The following DCC variants were observed in gnomAD, a reference collection of about 807,000 sequenced individuals.
DCC encodes DCC netrin 1 receptor.
In DCC, 58 loss-of-function variants were observed where a neutral mutation model predicts 172.5. That is an observed-to-expected ratio of 0.34 (90% CI 0.27 to 0.42). DCC has a LOEUF of 0.42. Among genes scored for constraint, DCC ranks in the 10% least tolerant of loss-of-function variants. DCC has a pLI of 1.00. For missense variants in DCC, 1,740 were observed against 1,791.0 expected (o/e 0.97, Z 0.51); for synonymous variants, 709 against 644.5 (o/e 1.10, Z -1.52).
At chr18:53,317,186 C>T (rs1308621728) in intron 13 of DCC, among the ~76,000 whole-genome samples, 1 of 152,146 alleles carries the variant, frequency 6.6e-6, no homozygotes, top group East Asian at 1.9e-4. Context: ...GCCTTTTCTG[C>T]ATCTATGGAG....
At chr18:52,429,105 C>T (rs1039830087) in intron 1 of DCC, among the ~76,000 whole-genome samples, 1 of 152,048 alleles carries the variant, frequency 6.6e-6, no homozygotes, top group African/African-American at 2.4e-5. Context: ...ACAAAAGTGA[C>T]TAATTTTTAC....
chr18:52,389,214 A>G (rs1985935946), intron 1 of DCC, among the ~76,000 whole-genome samples: 1 of 152,108 alleles, frequency 6.6e-6, no homozygotes, highest in Non-Finnish European at 1.5e-5. Flanking sequence ...TGTATTTGGC[A>G]ATGTATGCAG....
chr18:52,419,614 A>C (rs1987176488), intron 1 of DCC: 1 of 152,138 alleles, frequency 6.6e-6, no homozygotes, highest in African/African-American at 2.4e-5. Flanking sequence ...TGAGATAAGA[A>C]GATCATTCCT....
intron 7 of DCC, among the ~76,000 whole-genome samples, chr18:53,132,500 A>C (rs1337455464): frequency 6.6e-6 from 1 of 152,096 alleles, no homozygotes; most frequent in African/African-American, 2.4e-5. Flanking sequence ...TCTTCCAACC[A>C]TTGTTCTTTT....
intron 12 of DCC, among the ~76,000 whole-genome samples, chr18:53,262,801 G>T (rs1425417017): frequency 2.0e-5 from 3 of 152,130 alleles, no homozygotes; most frequent in Non-Finnish European, 4.4e-5. Context: ...TCTTCAAAAG[G>T]CCAATAAATT....
At chr18:53,200,988 G>C (rs1388900439) in intron 9 of DCC, among the ~76,000 whole-genome samples, 1 of 152,088 alleles carries the variant, frequency 6.6e-6, no homozygotes, top group Non-Finnish European at 1.5e-5. Context: ...CTATGCATGT[G>C]GTGGATCAGA....
At chr18:52,515,621 A>AAAAAAAAAAAAAAAAAAAAAAAAAAAAC (rs1392135032) in intron 1 of DCC, among the ~76,000 whole-genome samples, 1 of 141,432 alleles carries the variant, frequency 7.1e-6, no homozygotes, top group African/African-American at 2.6e-5. Flanking sequence ...AAAAAAAAAA[A>AAAAAAAAAAAAAAAAAAAAAAAAAAAAC]AAAAATCATA....
In DCC at chr18:53,459,373, T is replaced by C. The variant is rs753776389; in HGVS notation, c.3534T>C (p.Ser1178=). The C allele has an allele frequency of 8.7e-6, 14 of 1,613,936 alleles. No homozygotes were observed. The highest frequency in any genetic ancestry group is 1.1e-5 in the Non-Finnish European group (13 of 1,179,982). The change falls in exon 24 of 29, where the codon TCT becomes TCC. Residue 1178 remains serine, a synonymous_variant. Transcript: ENST00000442544. ...PSGTDPAGRD[S]PIQSCQDLTP... ...GCACTGACCCTGCAGGAAGGGACTC[T>C]CCCATCCAAAGTTGCCAAGACCTCA...
At chr18:53,218,024 G>GT (rs2055879926) in intron 12 of DCC, among the ~76,000 whole-genome samples, 1 of 151,788 alleles carries the variant, frequency 6.6e-6, no homozygotes, top group Non-Finnish European at 1.5e-5. Context: ...TTATTTTTGT[G>GT]TTTTTTGAAA....
At chr18:52,735,438 G>A (rs538681672) in intron 1 of DCC, among the ~76,000 whole-genome samples, 3 of 152,226 alleles carry the variant, frequency 2.0e-5, no homozygotes, top group East Asian at 3.9e-4. Context: ...TATATGAAGG[G>A]GAATTTACAA....
intron 8 of DCC, 45 bp from the exon 9 acceptor site, chr18:53,178,917 G>A (rs770029192): frequency 2.5e-6 from 4 of 1,610,918 alleles, no homozygotes; most frequent in East Asian, 4.5e-5. Flanking sequence ...TTGGCTGAAG[G>A]TATTCTTTTT....
chr18:53,295,133 C>G (rs1264122662), intron 12 of DCC, among the ~76,000 whole-genome samples: 1 of 152,042 alleles, frequency 6.6e-6, no homozygotes, highest in Non-Finnish European at 1.5e-5. Flanking sequence ...ATAGTAATGT[C>G]AGAGTTTTCC....
chr18:52,683,441 A>G (rs1277149033), intron 1 of DCC, among the ~76,000 whole-genome samples: 3 of 152,100 alleles, frequency 2.0e-5, no homozygotes. Flanking sequence ...AATACGAAGG[A>G]ACCCACAATT....
chr18:52,709,141 T>A (rs1345730983), intron 1 of DCC, among the ~76,000 whole-genome samples: 1 of 152,158 alleles, frequency 6.6e-6, no homozygotes, highest in Non-Finnish European at 1.5e-5. Flanking sequence ...TACCTGTAAT[T>A]ATCTCCATTT....
At chr18:52,646,545 G>T (rs11663913) in intron 1 of DCC, among the ~76,000 whole-genome samples, 11 of 152,216 alleles carry the variant, frequency 7.2e-5, no homozygotes, top group Non-Finnish European at 1.5e-4. Context: ...CCCAGCTATC[G>T]ATTGGGGGTT....
intron 12 of DCC, among the ~76,000 whole-genome samples, chr18:53,304,751 T>A (rs957646352): frequency 1.3e-5 from 2 of 152,192 alleles, no homozygotes; most frequent in Admixed American, 1.3e-4. Flanking sequence ...TGTCTAGGAA[T>A]CCCTGACTTT....
chr18:52,850,549 G>A (rs1467155071), intron 2 of DCC, among the ~76,000 whole-genome samples: 3 of 152,016 alleles, frequency 2.0e-5, no homozygotes, highest in Non-Finnish European at 2.9e-5. Flanking sequence ...CTAAGTGAAC[G>A]TATGACTACA....
intron 12 of DCC, among the ~76,000 whole-genome samples, chr18:53,302,053 G>C (rs2057147929): frequency 6.6e-6 from 1 of 152,104 alleles, no homozygotes; most frequent in African/African-American, 2.4e-5. Flanking sequence ...CCTTCTTCTT[G>C]TGTCTTCACG....
chr18:52,692,765 C>T (rs1033320792), intron 1 of DCC, among the ~76,000 whole-genome samples: 3 of 152,058 alleles, frequency 2.0e-5, no homozygotes, highest in Non-Finnish European at 4.4e-5. Flanking sequence ...TTATTTACAA[C>T]ATTTCTAAAT....
Sources: gnomAD v4.1 joint callset for allele counts (sites outside exome capture counted in the v4.1 genomes callset) on GRCh38, gnomAD v4.1.1 for gene constraint, MANE v1.5 for transcripts, NCBI Gene and HGNC (gene_info 2026-07-23, HGNC 2026-07-21) for gene names.